Variants in WWC2 observed in about 807,000 individuals in gnomAD.
The protein encoded by WWC2 is protein WWC2.
In WWC2, 101 loss-of-function variants were observed where a neutral mutation model predicts 138.5. The observed-to-expected ratio is 0.73, with a 90% CI of 0.62 to 0.86. The LOEUF is 0.86. WWC2 is among the 40% of genes least tolerant of loss of function. WWC2 has a pLI of 0.00. For synonymous variants in WWC2, 558 were observed against 538.4 expected (o/e 1.04, Z -0.50); for missense variants, 1,420 against 1,419.4 (o/e 1.00, Z -0.01).
chr4:183,196,278 C>T (rs967000573), intron 2 of WWC2, among the ~76,000 whole-genome samples: 12 of 152,148 alleles, frequency 7.9e-5, no homozygotes, highest in African/African-American at 2.7e-4. Context: ...ATACACCCTA[C>T]AAACTATCAA....
intron 1 of WWC2, among the ~76,000 whole-genome samples, chr4:183,107,568 C>T (rs1264409165): frequency 6.6e-6 from 1 of 152,232 alleles, no homozygotes; most frequent in East Asian, 1.9e-4. Flanking sequence ...CCCAAGCCTC[C>T]CCTTATTCTA....
At chr4:183,310,529 G>A (rs1739175406) in intron 21 of WWC2, among the ~76,000 whole-genome samples, 1 of 152,012 alleles carries the variant, frequency 6.6e-6, no homozygotes, top group African/African-American at 2.4e-5. Flanking sequence ...TTGAAACAGG[G>A]TCTTGCTCTG....
At chr4:183,102,223 T>C (rs1743203355) in intron 1 of WWC2, among the ~76,000 whole-genome samples, 2 of 152,192 alleles carry the variant, frequency 1.3e-5, no homozygotes, top group African/African-American at 4.8e-5. Flanking sequence ...AGCTCTAAAA[T>C]GAGGATAATA....
intron 4 of WWC2, among the ~76,000 whole-genome samples, chr4:183,212,338 G>C (rs1318549672): frequency 1.3e-5 from 2 of 152,016 alleles, no homozygotes; most frequent in Non-Finnish European, 2.9e-5. Context: ...CCACTCCAGG[G>C]TGTCCTGGAC....
chr4:183,214,887 T>A (rs1162452183), intron 4 of WWC2, among the ~76,000 whole-genome samples: 1 of 152,244 alleles, frequency 6.6e-6, no homozygotes, highest in East Asian at 1.9e-4. Context: ...GTTTACAATT[T>A]AGCTTACATT....
chr4:183,186,289 C>G (rs1734798724), intron 1 of WWC2, among the ~76,000 whole-genome samples: 1 of 152,168 alleles, frequency 6.6e-6, no homozygotes, highest in African/African-American at 2.4e-5. Context: ...GATACTATAT[C>G]TGGATCCCAA....
At chr4:183,193,537 A>C (rs1735047255) in intron 1 of WWC2, 62 bp from the exon 2 acceptor site, 2 of 1,483,040 alleles carry the variant, frequency 1.3e-6, no homozygotes, top group Admixed American at 3.5e-5. Context: ...TAGGGTGCTG[A>C]ATTTTGACAT....
chr4:183,273,560 C>A (rs1366356077), intron 16 of WWC2, among the ~76,000 whole-genome samples: 1 of 152,136 alleles, frequency 6.6e-6, no homozygotes, highest in South Asian at 2.1e-4. Context: ...CACCTTGCCT[C>A]CCAAAGTGCT....
At chr4:183,249,459 G>C (rs1231700476) in intron 7 of WWC2, among the ~76,000 whole-genome samples, 1 of 152,090 alleles carries the variant, frequency 6.6e-6, no homozygotes, top group Non-Finnish European at 1.5e-5. Context: ...AAGTAAAACA[G>C]GTAGAGATCA....
chr4:183,232,783 G>A (rs112935429), intron 4 of WWC2, among the ~76,000 whole-genome samples: 4,509 of 152,164 alleles, frequency 0.03, 217 homozygotes, highest in African/African-American at 0.1. Flanking sequence ...GAGTAGCTGG[G>A]ATTACAGGCG....
intron 4 of WWC2, among the ~76,000 whole-genome samples, chr4:183,224,052 C>G (rs1011331416): frequency 2.6e-5 from 4 of 152,102 alleles, no homozygotes; most frequent in East Asian, 1.9e-4. Flanking sequence ...TTTAATCGCC[C>G]TCTTTTCTTT....
chr4:183,259,546 T>G, intron 9 of WWC2, 93 bp from the exon 10 acceptor site: 1 of 997,630 alleles, frequency 1.0e-6, no homozygotes, highest in Non-Finnish European at 1.5e-6. Flanking sequence ...TTTTCCCTTG[T>G]GATCTGTAAT....
At chr4:183,250,214 GAGA>G (rs1319034448) in intron 8 of WWC2, among the ~76,000 whole-genome samples, 1 of 141,720 alleles carries the variant, frequency 7.1e-6, no homozygotes, top group African/African-American at 2.6e-5. Flanking sequence ...GAGAATTAGT[GAGA>G]AGTATACAAA....
At chr4:183,260,233 C>G (rs1737280783) in intron 10 of WWC2, among the ~76,000 whole-genome samples, 1 of 151,706 alleles carries the variant, frequency 6.6e-6, no homozygotes, top group Non-Finnish European at 1.5e-5. Context: ...TTTTTTCTTG[C>G]TTTCAATATT....
At chr4:183,161,811 T>G (rs1180418136) in intron 1 of WWC2, among the ~76,000 whole-genome samples, 1 of 152,190 alleles carries the variant, frequency 6.6e-6, no homozygotes, top group Non-Finnish European at 1.5e-5. Flanking sequence ...GTGCAGTCTA[T>G]GAGGTCCGCA....
At chr4:183,181,774 G>T (rs749856100) in intron 1 of WWC2, among the ~76,000 whole-genome samples, 8 of 152,136 alleles carry the variant, frequency 5.3e-5, no homozygotes, top group Non-Finnish European at 8.8e-5. Context: ...CCCCTGCATT[G>T]TTCAGAAGTC....
In WWC2 at chr4:183,249,900, C is replaced by G. The variant is rs761615021; in HGVS notation, c.880-20C>G. 1 of 1,604,644 alleles carries G rather than the reference C, an allele frequency of 6.2e-7. No homozygotes were observed. Among genetic ancestry groups the G allele is most frequent in the East Asian group, 2.2e-5 (1 of 44,748 alleles). ...ATTAGCAGAGTTAATTGACTTTTTT[C>G]CTTTTTCTTTTTCCACTAGATTGGA... is the stretch of plus-strand genomic sequence containing the variant. On this transcript the variant is annotated intron_variant, in intron 7 of 22. Coordinates refer to ENST00000403733, the MANE Select transcript of WWC2 (RefSeq NM_024949.6).
intron 1 of WWC2, among the ~76,000 whole-genome samples, chr4:183,164,324 TATATA>T (rs1734057556): frequency 2.0e-3 from 2 of 1,018 alleles, no homozygotes; most frequent in African/African-American, 4.9e-3. Context: ...TATATACATA[TATATA>T]TATATATACA....
At chr4:183,209,866 C>T (rs1053149397) in intron 4 of WWC2, among the ~76,000 whole-genome samples, 3 of 152,148 alleles carry the variant, frequency 2.0e-5, no homozygotes, top group East Asian at 1.9e-4. Flanking sequence ...ACCAATACCC[C>T]CTGGTCATGA....
Sources: allele counts gnomAD v4.1 joint callset (sites outside exome capture counted in the v4.1 genomes callset), GRCh38; gene constraint gnomAD v4.1.1; transcripts MANE v1.5; gene names NCBI Gene and HGNC (gene_info 2026-07-23, HGNC 2026-07-21).